NLGN1: variants seen among roughly 807,000 people sequenced by gnomAD.
The protein encoded by NLGN1 is neuroligin-1.
NLGN1 carries 12 observed loss-of-function variants against 65.5 expected under a neutral mutation model. The ratio of observed to expected loss-of-function variants is 0.18; its 90% confidence interval spans 0.12 to 0.30. The LOEUF (loss-of-function observed/expected upper bound fraction) is 0.30, where lower values mean the gene tolerates loss of function less well. Ranked by LOEUF, NLGN1 falls within the 10% of genes least tolerant of loss-of-function variation. NLGN1 has a pLI of 1.00. For synonymous variants in NLGN1, 350 were observed against 359.5 expected (o/e 0.97, Z 0.30); for missense variants, 750 against 1,007.1 (o/e 0.74, Z 3.46).
At chr3:174,270,028 T>TTTG (rs200208200) in intron 4 of NLGN1, among the ~76,000 whole-genome samples, 1 of 151,750 alleles carries the variant, frequency 6.6e-6, no homozygotes, top group South Asian at 2.1e-4. Context: ...ATTTGGGTTT[T>TTTG]TTGTTGTTGT....
chr3:174,180,631 C>T (rs1376887901), intron 4 of NLGN1, among the ~76,000 whole-genome samples: 2 of 152,058 alleles, frequency 1.3e-5, no homozygotes, highest in East Asian at 3.9e-4. Flanking sequence ...TAATAACTCT[C>T]ACTTTTACCA....
At chr3:173,909,756 G>A (rs868533797) in intron 4 of NLGN1, among the ~76,000 whole-genome samples, 3 of 152,094 alleles carry the variant, frequency 2.0e-5, no homozygotes, top group Non-Finnish European at 2.9e-5. Flanking sequence ...CTCGGCTACC[G>A]CAACCTCCAC....
chr3:173,552,093 C>A (rs1740960543), intron 2 of NLGN1, among the ~76,000 whole-genome samples: 2 of 152,192 alleles, frequency 1.3e-5, no homozygotes, highest in African/African-American at 4.8e-5. Context: ...AGACTTATTG[C>A]AGAATAGTCA....
intron 4 of NLGN1, among the ~76,000 whole-genome samples, chr3:173,967,279 C>T (rs1251656137): frequency 6.6e-6 from 1 of 152,180 alleles, no homozygotes; most frequent in Admixed American, 6.5e-5. Flanking sequence ...GCAAACAGAC[C>T]ATGCTGGTGC....
chr3:173,672,806 AT>A (rs111285076), intron 3 of NLGN1, among the ~76,000 whole-genome samples: 525 of 152,240 alleles, frequency 3.4e-3, no homozygotes, highest in African/African-American at 0.012. Flanking sequence ...TTTCAACTAT[AT>A]TTTTTTCCCA....
intron 4 of NLGN1, among the ~76,000 whole-genome samples, chr3:174,174,274 G>T (rs1185218068): frequency 6.6e-6 from 1 of 151,962 alleles, no homozygotes; most frequent in Non-Finnish European, 1.5e-5. Context: ...TAATTGTGCT[G>T]CTAAAAACAT....
chr3:174,123,451 G>T (rs907378963), intron 4 of NLGN1, among the ~76,000 whole-genome samples: 1 of 152,054 alleles, frequency 6.6e-6, no homozygotes, highest in Non-Finnish European at 1.5e-5. Flanking sequence ...CTGCCTTGGG[G>T]TTTCTTCCCT....
intron 2 of NLGN1, among the ~76,000 whole-genome samples, chr3:173,539,594 TATA>T (rs1433439114): frequency 1.5e-5 from 2 of 132,816 alleles, no homozygotes; most frequent in African/African-American, 5.7e-5. Context: ...ATATATGTTA[TATA>T]ATATATGTAT....
At chr3:174,036,272 C>T (rs1460227955) in intron 4 of NLGN1, among the ~76,000 whole-genome samples, 4 of 152,120 alleles carry the variant, frequency 2.6e-5, no homozygotes, top group Non-Finnish European at 5.9e-5. Context: ...TTAACACACT[C>T]TTATGTAGTA....
At chr3:173,528,049 C>G (rs1248217778) in intron 2 of NLGN1, among the ~76,000 whole-genome samples, 1 of 152,184 alleles carries the variant, frequency 6.6e-6, no homozygotes, top group African/African-American at 2.4e-5. Flanking sequence ...ATAGGGTCTT[C>G]TATGAGCTTT....
At chr3:173,484,538 A>G (rs982960608) in intron 2 of NLGN1, among the ~76,000 whole-genome samples, 32 of 151,882 alleles carry the variant, frequency 2.1e-4, no homozygotes, top group Non-Finnish European at 1.0e-4. Context: ...TGCAATGCAT[A>G]TTTCTCTTAG....
At chr3:173,450,828 A>T (rs1487141212) in intron 2 of NLGN1, among the ~76,000 whole-genome samples, 1 of 152,106 alleles carries the variant, frequency 6.6e-6, no homozygotes, top group Non-Finnish European at 1.5e-5. Context: ...TACATAGCTG[A>T]TACCCTTTCT....
intron 3 of NLGN1, among the ~76,000 whole-genome samples, chr3:173,629,919 C>G (rs922711837): frequency 1.3e-5 from 2 of 152,030 alleles, no homozygotes; most frequent in African/African-American, 4.8e-5. Flanking sequence ...TTTATAGAAA[C>G]TTTTAAAAAA....
intron 4 of NLGN1, among the ~76,000 whole-genome samples, chr3:174,055,896 T>G (rs545693115): frequency 1.8e-4 from 28 of 152,040 alleles, no homozygotes; most frequent in Non-Finnish European, 2.6e-4. Context: ...CCAATAAAAG[T>G]GGACATTGAT....
intron 2 of NLGN1, among the ~76,000 whole-genome samples, chr3:173,452,632 T>C (rs1199516877): frequency 1.3e-5 from 2 of 152,346 alleles, no homozygotes; most frequent in Admixed American, 6.5e-5. Flanking sequence ...CTAGTACTTA[T>C]CATTCCATAG....
At chr3:173,645,432 T>C (rs1354305902) in intron 3 of NLGN1, among the ~76,000 whole-genome samples, 5 of 152,170 alleles carry the variant, frequency 3.3e-5, no homozygotes, top group African/African-American at 1.2e-4. Context: ...TCCCACTTTA[T>C]CTCTTTTAGC....
chr3:173,584,918 TG>T (rs1747092631), intron 2 of NLGN1: 1 of 152,100 alleles, frequency 6.6e-6, no homozygotes. Context: ...GGTAAATACT[TG>T]GACCATTTCA....
At chr3:173,859,909 G>A (rs187704014) in intron 4 of NLGN1, among the ~76,000 whole-genome samples, 12 of 151,656 alleles carry the variant, frequency 7.9e-5, no homozygotes, top group East Asian at 5.8e-4. Flanking sequence ...GCTCTAGTAC[G>A]CTTTCATTTT....
At chr3:173,734,888 G>T (rs746917700) in intron 3 of NLGN1, among the ~76,000 whole-genome samples, 3 of 152,168 alleles carry the variant, frequency 2.0e-5, no homozygotes, top group South Asian at 2.1e-4. Context: ...ATTAGCAACG[G>T]CAGAATAAAG....
Sources: allele counts gnomAD v4.1 joint callset (sites outside exome capture counted in the v4.1 genomes callset), GRCh38; gene constraint gnomAD v4.1.1; transcripts MANE v1.5; gene names NCBI Gene and HGNC (gene_info 2026-07-23, HGNC 2026-07-21).